The following AFG2A variants were observed in gnomAD, a reference collection of about 807,000 sequenced individuals.
AFG2A encodes the protein ATPase family gene 2 protein homolog A.
the AFG2A span, among the ~76,000 whole-genome samples, chr4:122,956,363 C>A: frequency 6.6e-6 from 1 of 152,172 alleles, no homozygotes; most frequent in South Asian, 2.1e-4. Flanking sequence ...CAAGAAAGGC[C>A]TCAGAGCGAG....
the AFG2A span, among the ~76,000 whole-genome samples, chr4:123,311,211 C>T: frequency 6.6e-6 from 1 of 152,210 alleles, no homozygotes; most frequent in African/African-American, 2.4e-5. Flanking sequence ...ACTAGAGGCC[C>T]CAAGTTACAA....
chr4:122,943,223 T>C, the AFG2A span, among the ~76,000 whole-genome samples: 2 of 152,206 alleles, frequency 1.3e-5, no homozygotes, highest in Non-Finnish European at 2.9e-5. Context: ...CTGTCTAATG[T>C]TGACAGTGGG....
the AFG2A span, among the ~76,000 whole-genome samples, chr4:123,264,926 T>A: frequency 6.6e-6 from 1 of 152,278 alleles, no homozygotes; most frequent in Non-Finnish European, 1.5e-5. Context: ...CCTCCAGGGA[T>A]ATGTAGTATG....
the AFG2A span, among the ~76,000 whole-genome samples, chr4:123,205,812 T>C: frequency 1.3e-5 from 2 of 152,188 alleles, no homozygotes; most frequent in Non-Finnish European, 2.9e-5. Flanking sequence ...AATTGTTATA[T>C]CATTACAACT....
chr4:122,971,314 G>A, the AFG2A span, among the ~76,000 whole-genome samples: 155 of 152,258 alleles, frequency 1.0e-3, no homozygotes, highest in Admixed American at 2.4e-3. Flanking sequence ...GGCTGAGGTA[G>A]GAGGATTACT....
the AFG2A span, among the ~76,000 whole-genome samples, chr4:123,261,006 G>A: frequency 4.6e-5 from 7 of 152,178 alleles, no homozygotes; most frequent in African/African-American, 1.7e-4. Flanking sequence ...ACCCTATTGT[G>A]AACTATGCGT....
At chr4:123,080,111 A>G in the AFG2A span, among the ~76,000 whole-genome samples, 1 of 152,000 alleles carries the variant, frequency 6.6e-6, no homozygotes, top group South Asian at 2.1e-4. Context: ...CTTCTCTGAT[A>G]CCCGTAAAAT....
chr4:123,260,355 T>C, the AFG2A span, among the ~76,000 whole-genome samples: 5 of 152,260 alleles, frequency 3.3e-5, no homozygotes, highest in African/African-American at 9.6e-5. Context: ...TTCTGTTTTG[T>C]AGTCTATGCC....
the AFG2A span, among the ~76,000 whole-genome samples, chr4:123,252,032 A>G: frequency 6.6e-6 from 1 of 152,132 alleles, no homozygotes; most frequent in African/African-American, 2.4e-5. Flanking sequence ...CCATGATTAG[A>G]GTTTGGGAAT....
chr4:123,230,473 A>G, the AFG2A span, among the ~76,000 whole-genome samples: 2 of 151,680 alleles, frequency 1.3e-5, no homozygotes, highest in East Asian at 1.9e-4. Flanking sequence ...TTCTATTCCT[A>G]TTTTCACCCC....
the AFG2A span, among the ~76,000 whole-genome samples, chr4:122,990,280 G>A: frequency 6.6e-6 from 1 of 152,152 alleles, no homozygotes; most frequent in Non-Finnish European, 1.5e-5. Context: ...TTTCTGTGAG[G>A]AAAGAGCAGT....
the AFG2A span, among the ~76,000 whole-genome samples, chr4:123,075,407 T>C: frequency 6.6e-6 from 1 of 151,944 alleles, no homozygotes; most frequent in Non-Finnish European, 1.5e-5. Flanking sequence ...CAAGCGATTC[T>C]CCTGCCTCAG....
chr4:123,281,571 A>C, the AFG2A span, among the ~76,000 whole-genome samples: 3 of 152,150 alleles, frequency 2.0e-5, no homozygotes, highest in African/African-American at 7.2e-5. Context: ...TCTCATACCT[A>C]TTTTGTGGAT....
At chr4:123,127,364 C>CA in the AFG2A span, among the ~76,000 whole-genome samples, 32 of 152,218 alleles carry the variant, frequency 2.1e-4, no homozygotes, top group Middle Eastern at 3.4e-3. Context: ...AAAAATTTCA[C>CA]ATCAGCAGAG....
the AFG2A span, among the ~76,000 whole-genome samples, chr4:123,193,524 G>C: frequency 1.4e-4 from 21 of 152,156 alleles, 1 homozygote; most frequent in African/African-American, 5.1e-4. Flanking sequence ...AAGCACTATA[G>C]ACAAAAGTGT....
chr4:122,997,073 C>T, the AFG2A span, among the ~76,000 whole-genome samples: 1 of 152,176 alleles, frequency 6.6e-6, no homozygotes, highest in African/African-American at 2.4e-5. Context: ...TAATGCTTTA[C>T]TAGCTATTAC....
chr4:123,226,600 G>T, the AFG2A span, among the ~76,000 whole-genome samples: 1 of 152,170 alleles, frequency 6.6e-6, no homozygotes, highest in African/African-American at 2.4e-5. Flanking sequence ...TGGGCTGCTG[G>T]ATTCGGTTTG....
the AFG2A span, among the ~76,000 whole-genome samples, chr4:123,305,543 C>G: frequency 6.6e-6 from 1 of 152,202 alleles, no homozygotes; most frequent in Non-Finnish European, 1.5e-5. Flanking sequence ...AGAAAAGCCC[C>G]TAGTACTACT....
At chr4:123,062,009 G>A in the AFG2A span, among the ~76,000 whole-genome samples, 6 of 152,288 alleles carry the variant, frequency 3.9e-5, no homozygotes, top group Middle Eastern at 6.8e-3. Context: ...ATAAAGTGAT[G>A]TGAGAAACCA....
Sources: gnomAD v4.1 joint callset for allele counts (sites outside exome capture counted in the v4.1 genomes callset) on GRCh38, gnomAD v4.1.1 for gene constraint, MANE v1.5 for transcripts, NCBI Gene and HGNC (gene_info 2026-07-23, HGNC 2026-07-21) for gene names.